Variants in HSPA4 observed in about 807,000 individuals in gnomAD.
The protein encoded by HSPA4 is heat shock 70 kDa protein 4.
HSPA4 carries 25 observed loss-of-function variants against 106.2 expected under a neutral mutation model. The ratio of observed to expected loss-of-function variants is 0.24; its 90% CI spans 0.17 to 0.33. The LOEUF (loss-of-function observed/expected upper bound fraction) is 0.33, where lower values mean the gene tolerates loss of function less well. HSPA4 is among the 10% of genes least tolerant of loss of function. The pLI is 1.00. For missense variants in HSPA4, 841 were observed against 996.0 expected, an observed-to-expected ratio of 0.84 and a Z score of 2.10; for synonymous variants, 332 against 333.6, an observed-to-expected ratio of 1.00 and a Z score of 0.05.
intron 15 of HSPA4, 76 bp from the exon 16 acceptor site, chr5:133,099,468 AT>A: frequency 1.4e-6 from 1 of 700,596 alleles, no homozygotes; most frequent in Non-Finnish European, 2.5e-6. Context: ...CAGATACATC[AT>A]TATATTCTAT....
At chr5:133,066,862 G>A (rs766345459) in intron 2 of HSPA4, among the ~76,000 whole-genome samples, 6 of 151,230 alleles carry the variant, frequency 4.0e-5, no homozygotes, top group East Asian at 1.9e-4. Flanking sequence ...TTACAGGTGC[G>A]CACCACCATG....
chr5:133,102,913 C>CTTTTTTTTTTTTTTTT lies in HSPA4; in HGVS notation c.2158-950_2158-935dup, dbSNP rs533273263. On this transcript the variant is annotated intron_variant, in intron 17 of 18. Coordinates refer to ENST00000304858, the MANE Select transcript of HSPA4 (RefSeq NM_002154.4). The stretch of plus-strand genomic sequence containing the variant: ...TACCACCACACCCAACTAGGGTTGT[C>CTTTTTTTTTTTTTTTT]TTTTTTTTTTTTTTTTTGAGATGGC... Among the ~76,000 whole-genome samples the CTTTTTTTTTTTTTTTT allele has an allele frequency of 4.6e-4, 47 of 103,294 alleles. 3 individuals carry two copies. Among genetic ancestry groups the CTTTTTTTTTTTTTTTT allele is most frequent in the African/African-American group, 5.6e-4 (13 of 23,268 alleles). The allele number at this position is 103,294 out of a possible 152,430, so 67.8% of individuals were successfully genotyped here. A position where few individuals can be genotyped will look rare whatever the true frequency, so the allele number is the denominator to read the frequency against.
intron 7 of HSPA4, among the ~76,000 whole-genome samples, chr5:133,079,073 C>T (rs555776884): frequency 1.4e-3 from 208 of 152,232 alleles, no homozygotes; most frequent in Middle Eastern, 6.8e-3. Flanking sequence ...TTGTTTAAAT[C>T]GATGAAACCA....
intron 11 of HSPA4, among the ~76,000 whole-genome samples, chr5:133,090,070 A>G (rs1426725617): frequency 6.6e-6 from 1 of 152,182 alleles, no homozygotes; most frequent in African/African-American, 2.4e-5. Flanking sequence ...TAACTTATGT[A>G]TAAGGTGGTG....
intron 3 of HSPA4, among the ~76,000 whole-genome samples, chr5:133,068,778 AG>A (rs1466908947): frequency 1.3e-5 from 2 of 152,088 alleles, no homozygotes; most frequent in African/African-American, 2.4e-5. Context: ...ATAAAGAAAT[AG>A]GATAGGTATT....
chr5:133,084,578 C>G (rs984837375), intron 7 of HSPA4, among the ~76,000 whole-genome samples: 1 of 152,104 alleles, frequency 6.6e-6, no homozygotes, highest in Non-Finnish European at 1.5e-5. Flanking sequence ...TCAAGCGATT[C>G]TCCTGCCTCA....
chr5:133,081,052 G>A (rs1353917607), intron 7 of HSPA4, among the ~76,000 whole-genome samples: 1 of 151,832 alleles, frequency 6.6e-6, no homozygotes, highest in East Asian at 1.9e-4. Flanking sequence ...AGATTTGCCT[G>A]TTCTTTTTTT....
At chr5:133,092,905 C>G in intron 13 of HSPA4, 116 bp downstream of exon 13, 1 of 616,420 alleles carries the variant, frequency 1.6e-6, no homozygotes, top group East Asian at 2.9e-5. Flanking sequence ...GCTGCATCCT[C>G]CACCTCCTGG....
intron 7 of HSPA4, among the ~76,000 whole-genome samples, chr5:133,083,144 CAAA>C (rs1234574679): frequency 1.4e-5 from 1 of 70,724 alleles, no homozygotes; most frequent in Non-Finnish European, 3.0e-5. Flanking sequence ...CAAAAAAATA[CAAA>C]AAAAAAAAAA....
intron 4 of HSPA4, among the ~76,000 whole-genome samples, chr5:133,072,507 A>G (rs1261409190): frequency 2.0e-5 from 3 of 147,442 alleles, no homozygotes; most frequent in Admixed American, 6.9e-5. Context: ...TCAAGCCTCA[A>G]CCTTTGGAGT....
chr5:133,057,253 A>T (rs981591281), intron 1 of HSPA4, among the ~76,000 whole-genome samples: 6 of 151,972 alleles, frequency 3.9e-5, no homozygotes, highest in Non-Finnish European at 8.8e-5. Context: ...GTTGTATGTG[A>T]TAGTCTAATT....
intron 7 of HSPA4, among the ~76,000 whole-genome samples, chr5:133,080,434 A>C (rs1042980700): frequency 1.3e-5 from 2 of 151,210 alleles, no homozygotes; most frequent in African/African-American, 4.9e-5. Flanking sequence ...AAAAAAAAAA[A>C]AAAAAAACCC....
At chr5:133,069,255 T>A (rs56306291) in intron 3 of HSPA4, among the ~76,000 whole-genome samples, 35,152 of 146,044 alleles carry the variant, frequency 0.24, 4,133 homozygotes, top group Middle Eastern at 0.27. Flanking sequence ...TTATTTAAAA[T>A]TTTTTTTTTT....
chr5:133,079,411 T>C (rs1424425126), intron 7 of HSPA4, among the ~76,000 whole-genome samples: 1 of 152,266 alleles, frequency 6.6e-6, no homozygotes, highest in Non-Finnish European at 1.5e-5. Flanking sequence ...CTGGCTTCTT[T>C]CGTTCTGACT....
intron 1 of HSPA4, among the ~76,000 whole-genome samples, chr5:133,056,716 A>G (rs1253971121): frequency 6.6e-6 from 1 of 152,180 alleles, no homozygotes; most frequent in African/African-American, 2.4e-5. Flanking sequence ...ATAGATTTCC[A>G]GAGGTGAATT....
Position 133,089,485 on chromosome 5 carries a change from AT to A in HSPA4, c.1245-75del. On this transcript the variant is annotated intron_variant, in intron 10 of 18. Coordinates refer to ENST00000304858, the MANE Select transcript of HSPA4 (RefSeq NM_002154.4). ...AGAGAGAAACTAACACTGTACAATAATTACAAACCTAGAACACATGGGTAAA... is the reference window on the plus strand; with the variant it reads ...AGAGAGAAACTAACACTGTACAATAATACAAACCTAGAACACATGGGTAAA... 14 of 1,328,688 alleles carry A rather than the reference AT, an allele frequency of 1.1e-5. No individual in the cohort carries two copies. In the Middle Eastern group the frequency reaches 1.6e-3, roughly 155 times the overall value. The allele number at this position is 1,328,688 out of a possible 1,614,324, so 82.3% of individuals were successfully genotyped here.
intron 13 of HSPA4, among the ~76,000 whole-genome samples, chr5:133,093,648 G>A (rs541224832): frequency 3.9e-5 from 6 of 152,072 alleles, no homozygotes; most frequent in South Asian, 4.1e-4. Context: ...GCACCATCAC[G>A]CCCGGATAAT....
Position 133,095,084 on chromosome 5 carries a change from C to T in HSPA4, c.1651-1014C>T, listed in dbSNP as rs549085664. On this transcript the variant is annotated intron_variant, in intron 13 of 18. Coordinates refer to ENST00000304858, the MANE Select transcript of HSPA4 (RefSeq NM_002154.4). ...CCAGCACTTTGGGAGGCTGAGGCAG[C>T]GGATCACCTAAGGTCAGGAGTTCGA... Among the ~76,000 whole-genome samples, 20 of 152,154 alleles carry T rather than the reference C, an allele frequency of 1.3e-4. 1 individual carries two copies. The highest frequency in any genetic ancestry group is 1.0e-3 in the South Asian group (5 of 4,820).
intron 7 of HSPA4, among the ~76,000 whole-genome samples, chr5:133,078,807 C>G (rs1229614680): frequency 6.6e-6 from 1 of 152,038 alleles, no homozygotes; most frequent in South Asian, 2.1e-4. Flanking sequence ...GATCTTGGCT[C>G]ACTGCACCCT....
Sources: gnomAD v4.1 joint callset for allele counts (sites outside exome capture counted in the v4.1 genomes callset) on GRCh38, gnomAD v4.1.1 for gene constraint, MANE v1.5 for transcripts, NCBI Gene and HGNC (gene_info 2026-07-23, HGNC 2026-07-21) for gene names.